Variants in FKBP6 observed in about 807,000 individuals in gnomAD.
FKBP6 encodes inactive peptidyl-prolyl cis-trans isomerase FKBP6.
Under a neutral mutation model 41.7 loss-of-function variants are expected in FKBP6, and 29 were observed. That is an observed-to-expected ratio of 0.70 (90% CI 0.52 to 0.95). The LOEUF (loss-of-function observed/expected upper bound fraction) is 0.95, where lower values mean the gene tolerates loss of function less well. Among genes scored for constraint, FKBP6 ranks in the 40% least tolerant of loss-of-function variants. The pLI, the probability that FKBP6 is intolerant of heterozygous loss-of-function variation, is 0.00. For missense variants in FKBP6, 338 were observed against 408.7 expected, an observed-to-expected ratio of 0.83 and a Z score of 1.49; for synonymous variants, 130 against 165.1, an observed-to-expected ratio of 0.79 and a Z score of 1.63.
chr7:73,336,731 A>T (rs1481171396), intron 5 of FKBP6: 11 of 456,432 alleles, frequency 2.4e-5, no homozygotes, highest in Admixed American at 7.1e-5. Flanking sequence ...GACAAACTTC[A>T]TTTTAATGAG....
At chr7:73,336,771 G>T (rs782264639) in intron 5 of FKBP6, 1 of 456,642 alleles carries the variant, frequency 2.2e-6, no homozygotes, top group South Asian at 1.5e-5. Context: ...ACCGTGCTGG[G>T]TGTGCTGCGG....
Position 73,341,360 on chromosome 7 carries a change from A to G in FKBP6, c.871A>G (p.Asn291Asp). The G allele has an allele frequency of 6.2e-7, 1 of 1,610,278 alleles. No homozygotes were observed. Residue 291 changes from asparagine (N) to aspartate (D), a missense_variant, in exon 7 of 9, where the codon AAT (asparagine) becomes GAT (aspartate). Transcript: ENST00000252037. Reference protein sequence around the residue: ...KEQPFNHDINNELKKLASCYR... With the variant: ...KEQPFNHDINDELKKLASCYR... The stretch of plus-strand genomic sequence containing the variant: ...GCAACCCTTCAATCATGACATCAAT[A>G]ATGAGCTGAAGAAACTGGCTAGGTG...
intron 5 of FKBP6, chr7:73,337,017 C>G: frequency 3.0e-6 from 1 of 337,200 alleles, no homozygotes; most frequent in Non-Finnish European, 5.9e-6. Context: ...GTGTTACTTT[C>G]AATTTTGATT....
chr7:73,347,924 C>T (rs913247882), intron 8 of FKBP6, among the ~76,000 whole-genome samples: 11 of 152,178 alleles, frequency 7.2e-5, no homozygotes, highest in Non-Finnish European at 1.0e-4. Flanking sequence ...AAATTATGAG[C>T]GTGAGCACAG....
Position 73,331,914 on chromosome 7 carries a change from AG to A in FKBP6, c.588+139del, listed in dbSNP as rs1371827733. The A allele has an allele frequency of 3.2e-4, 267 of 843,602 alleles. 1 individual carries two copies. The highest frequency in any genetic ancestry group is 4.9e-4 in the South Asian group (35 of 71,972). The allele number at this position is 843,602 out of a possible 1,614,324, so 52.3% of individuals were successfully genotyped here. A position where few individuals can be genotyped will look rare whatever the true frequency, so the allele number is the denominator to read the frequency against. ...AGTGTCGCTCTGTCGCCCAGGCTGG[AG>A]TGCAGTGGCGCAATCTCAGCTCACT... is the stretch of plus-strand genomic sequence containing the variant. On this transcript the variant is annotated intron_variant, in intron 5 of 8. Coordinates refer to ENST00000252037, the MANE Select transcript of FKBP6 (RefSeq NM_003602.5).
Position 73,330,241 on chromosome 7 carries a change from A to T in FKBP6, c.357A>T (p.Gly119=). The stretch of plus-strand genomic sequence containing the variant: ...TGTTCAAACCGAACTACGCCTATGG[A>T]ACGCTGGGCTGCCCTCCCTTGATCC... ...RFLFKPNYAY[G]TLGCPPLIPP... The change falls in exon 4 of 9, where the codon GGA becomes GGT. Residue 119 remains glycine (G), a synonymous_variant. Coordinates refer to ENST00000252037, the MANE Select transcript of FKBP6 (RefSeq NM_003602.5). 1 of 1,614,024 alleles carries T rather than the reference A, an allele frequency of 6.2e-7. No individual in the cohort carries two copies.
rs138822514 is a variant in FKBP6, at chr7:73,340,512, T to C, written c.589-126T>C. On this transcript the variant is annotated intron_variant, in intron 5 of 8. Coordinates refer to ENST00000252037, the MANE Select transcript of FKBP6 (RefSeq NM_003602.5). The stretch of plus-strand genomic sequence containing the variant: ...AAAGAAATATACCTGACTTCTTATG[T>C]TGATCTTGTGTCTTGCAACCTGTAA... The C allele has an allele frequency of 1.7e-3, 1,239 of 746,140 alleles. 15 individuals carry two copies. In the African/African-American group the frequency reaches 0.02, roughly 12 times the overall value. The allele number at this position is 746,140 out of a possible 1,614,324, so 46.2% of individuals were successfully genotyped here. A position where few individuals can be genotyped will look rare whatever the true frequency, so the allele number is the denominator to read the frequency against.
At chr7:73,349,011 A>G (rs1554550706) in intron 8 of FKBP6, among the ~76,000 whole-genome samples, 1 of 152,152 alleles carries the variant, frequency 6.6e-6, no homozygotes, top group Non-Finnish European at 1.5e-5. Context: ...AGGCTAAGGC[A>G]GGAGGATTGC....
chr7:73,338,991 C>T (rs1368179318), intron 5 of FKBP6: 1 of 152,150 alleles, frequency 6.6e-6, no homozygotes, highest in African/African-American at 2.4e-5. Flanking sequence ...TAATTCTTTG[C>T]TTATTTGTGC....
At chr7:73,330,469 C>CACAGGAGCCGCGGG in intron 4 of FKBP6, 117 bp downstream of exon 4, 1 of 807,636 alleles carries the variant, frequency 1.2e-6, no homozygotes, top group Non-Finnish European at 2.1e-6. Context: ...GGTACCCCCG[C>CACAGGAGCCGCGGG]GGCTCCTGTG....
At position 73,342,727 on chromosome 7, in the gene FKBP6, TGAGTGGA is replaced by T. The variant is rs1189363440; in HGVS notation, c.894-77_894-71del. 34 of 948,368 alleles carry T rather than the reference TGAGTGGA, an allele frequency of 3.6e-5. 1 individual carries two copies. In the East Asian group the frequency reaches 7.9e-4, roughly 22 times the overall value. The allele number at this position is 948,368 out of a possible 1,614,324, so 58.7% of individuals were successfully genotyped here. A position where few individuals can be genotyped will look rare whatever the true frequency, so the allele number is the denominator to read the frequency against. ...GATAAATTTTCAGTGTTTCTGGATG[TGAGTGGA>T]GAATTCCAGCCACCAGATGTCACCT... On this transcript the variant is annotated intron_variant, in intron 7 of 8. Coordinates refer to ENST00000252037, the MANE Select transcript of FKBP6 (RefSeq NM_003602.5).
intron 8 of FKBP6, among the ~76,000 whole-genome samples, chr7:73,346,613 G>A (rs1399594006): frequency 6.6e-6 from 1 of 152,190 alleles, no homozygotes; most frequent in Non-Finnish European, 1.5e-5. Flanking sequence ...CCAGAGCTGA[G>A]CTGCTCTGAG....
At chr7:73,340,998 G>A (rs1416447409) in intron 6 of FKBP6, among the ~76,000 whole-genome samples, 166 bp downstream of exon 6, 1 of 145,956 alleles carries the variant, frequency 6.9e-6, no homozygotes, top group African/African-American at 2.6e-5. Flanking sequence ...AATTCGGCTC[G>A]CTGCAACCTC....
At chr7:73,333,832 G>A (rs1025748201) in intron 5 of FKBP6, among the ~76,000 whole-genome samples, 14 of 152,312 alleles carry the variant, frequency 9.2e-5, no homozygotes, top group African/African-American at 3.1e-4. Flanking sequence ...AGCACTTTGG[G>A]AGGCCGAGGC....
intron 3 of FKBP6, 77 bp downstream of exon 3, chr7:73,329,526 A>T: frequency 1.1e-6 from 1 of 923,724 alleles, no homozygotes; most frequent in African/African-American, 1.6e-5. Flanking sequence ...GGCTGGGAAG[A>T]CTGCTCAGAG....
intron 8 of FKBP6, among the ~76,000 whole-genome samples, chr7:73,347,775 G>T (rs1025332576): frequency 1.3e-5 from 2 of 152,180 alleles, no homozygotes; most frequent in African/African-American, 4.8e-5. Flanking sequence ...CTCCTGAGCA[G>T]CTGGGACCAC....
intron 8 of FKBP6, among the ~76,000 whole-genome samples, chr7:73,352,525 G>A (rs1471911477): frequency 1.3e-5 from 2 of 152,150 alleles, no homozygotes; most frequent in Non-Finnish European, 2.9e-5. Context: ...CGCCAGCTTT[G>A]CTGGCTGACC....
chr7:73,343,547 T>C (rs1554549913), intron 8 of FKBP6, among the ~76,000 whole-genome samples: 1 of 152,142 alleles, frequency 6.6e-6, no homozygotes, highest in African/African-American at 2.4e-5. Context: ...AGGGTGGGGA[T>C]GGGCTGTGGC....
chr7:73,328,474 G>A lies in FKBP6; in HGVS notation c.46G>A (p.Ala16Thr). The change falls in exon 1 of 9, where the codon GCC becomes ACC. Residue 16 changes from alanine to threonine, a missense_variant. Physicochemically the swap from Ala to Thr is moderately conservative, Grantham distance 58. This residue lies in a region of FKBP6 where 99 missense variants were observed against 158.6 expected (regional missense o/e 0.62). Coordinates refer to ENST00000252037, the MANE Select transcript of FKBP6 (RefSeq NM_003602.5). ...LNQGVLEGDDAPGQSLYERLS... is the reference protein window; with the variant it reads ...LNQGVLEGDDTPGQSLYERLS... ...CCAGGGAGTCCTGGAAGGGGACGAC[G>A]CCCCCGGCCAGGTGAGGGCCCAGAC... The A allele has an allele frequency of 5.2e-6, 8 of 1,552,418 alleles. No homozygotes were observed. Among genetic ancestry groups the A allele is most frequent in the Non-Finnish European group, 7.0e-6 (8 of 1,146,808 alleles).
Sources: gnomAD v4.1 joint callset for allele counts (sites outside exome capture counted in the v4.1 genomes callset) on GRCh38, gnomAD v4.1.1 for gene constraint, gnomAD v4.1.1 regional missense constraint, MANE v1.5 for transcripts, NCBI Gene and HGNC (gene_info 2026-07-23, HGNC 2026-07-21) for gene names.